The following FRMPD2 variants were observed in gnomAD, a reference collection of about 807,000 sequenced individuals.
FRMPD2 encodes the protein FERM and PDZ domain-containing protein 2.
A neutral mutation model predicts 140.1 loss-of-function variants in FRMPD2; 96 were observed. The ratio of observed to expected loss-of-function variants is 0.69; its 90% confidence interval spans 0.58 to 0.81. The LOEUF (loss-of-function observed/expected upper bound fraction) is 0.81. FRMPD2 is among the 40% of genes least tolerant of loss of function. The pLI, the probability that FRMPD2 is intolerant of heterozygous loss-of-function variation, is 0.00. For missense variants in FRMPD2, 1,240 were observed against 1,447.4 expected (o/e 0.86, Z 2.32); for synonymous variants, 449 against 547.6 (o/e 0.82, Z 2.52).
chr10:48,239,521 A>C, intron 7 of FRMPD2, 84 bp downstream of exon 7: 1 of 909,548 alleles, frequency 1.1e-6, no homozygotes. Flanking sequence ...TCTTACTAAT[A>C]ATCAGTAAAG....
At chr10:48,259,617 C>T (rs1409470664) in intron 1 of FRMPD2, among the ~76,000 whole-genome samples, 1 of 149,756 alleles carries the variant, frequency 6.7e-6, no homozygotes, top group Non-Finnish European at 1.5e-5. Context: ...ACCAGTAGTA[C>T]ATGAATGTGT....
At chr10:48,220,784 G>C (rs192148860) in intron 12 of FRMPD2, among the ~76,000 whole-genome samples, 141 of 152,214 alleles carry the variant, frequency 9.3e-4, no homozygotes, top group African/African-American at 3.1e-3. Flanking sequence ...CTAAGGACAT[G>C]AATAGACAAT....
rs1201143028 is a variant in FRMPD2 at position 48,179,994 on chromosome 10, C to T, written c.2790+809G>A. Among the ~76,000 whole-genome samples the T allele has an allele frequency of 5.9e-5, 9 of 152,286 alleles. No homozygotes were observed. The South Asian group carries it at 1.5e-3, about 25-fold the overall frequency. On this transcript the variant is annotated intron_variant, in intron 21 of 28. Coordinates refer to ENST00000374201, the MANE Select transcript of FRMPD2 (RefSeq NM_001018071.4). ...TGTGACCACCCCTGAGCCTGAAGGG[C>T]GAGAGAAGGGAGTGGTCGATGGACC...
intron 1 of FRMPD2, among the ~76,000 whole-genome samples, chr10:48,264,397 C>A (rs1840647167): frequency 6.6e-6 from 1 of 152,036 alleles, no homozygotes; most frequent in Non-Finnish European, 1.5e-5. Flanking sequence ...GAACAAAAAA[C>A]CTCCTAAAAC....
At chr10:48,246,190 G>A (rs1840244827) in intron 3 of FRMPD2, among the ~76,000 whole-genome samples, 1 of 152,140 alleles carries the variant, frequency 6.6e-6, no homozygotes, top group African/African-American at 2.4e-5. Context: ...CAATTGCAGT[G>A]ACTGCCACCC....
intron 16 of FRMPD2, among the ~76,000 whole-genome samples, chr10:48,191,773 TC>T (rs1213159676): frequency 6.6e-6 from 1 of 152,230 alleles, no homozygotes; most frequent in Admixed American, 6.5e-5. Context: ...GTAATCCAAG[TC>T]CTAGGCTATT....
intron 15 of FRMPD2, among the ~76,000 whole-genome samples, chr10:48,200,640 T>G (rs1238556012): frequency 6.6e-6 from 1 of 152,236 alleles, no homozygotes; most frequent in East Asian, 1.9e-4. Flanking sequence ...ACAATGCAGG[T>G]ATTTCCATCA....
intron 3 of FRMPD2, among the ~76,000 whole-genome samples, chr10:48,245,674 A>C (rs761821861): frequency 3.3e-5 from 5 of 152,210 alleles, no homozygotes; most frequent in Non-Finnish European, 7.3e-5. Flanking sequence ...TTTAGTCCTC[A>C]CTGCAATCCT....
At chr10:48,236,373 G>A (rs955613520) in intron 9 of FRMPD2, 109 bp downstream of exon 9, 36 of 855,138 alleles carry the variant, frequency 4.2e-5, no homozygotes, top group African/African-American at 3.8e-4. Context: ...GAAACTGAAT[G>A]CCACTGGGGT....
intron 15 of FRMPD2, among the ~76,000 whole-genome samples, chr10:48,197,571 G>T (rs2131855926): frequency 6.6e-6 from 1 of 152,342 alleles, no homozygotes; most frequent in African/African-American, 2.4e-5. Context: ...TTCAGATTCA[G>T]ATGGTCTGGA....
In FRMPD2 at chr10:48,192,175, C is replaced by T. The variant is rs1453534323; in HGVS notation, c.2165+509G>A. Among the ~76,000 whole-genome samples, 3 of 152,234 alleles carry T rather than the reference C, an allele frequency of 2.0e-5. No individual in the cohort carries two copies. In the East Asian group the frequency reaches 5.8e-4, roughly 29 times the overall value. On this transcript the variant is annotated intron_variant, in intron 16 of 28. Coordinates refer to ENST00000374201, the MANE Select transcript of FRMPD2 (RefSeq NM_001018071.4). Reference sequence around the variant, plus strand: ...ATAGAAGGAGGAATGAGAGGTTGGCCCTAGAGTGTTTAACATAGACTTAGC... The same window carrying T: ...ATAGAAGGAGGAATGAGAGGTTGGCTCTAGAGTGTTTAACATAGACTTAGC...
intron 15 of FRMPD2, among the ~76,000 whole-genome samples, chr10:48,195,812 C>T (rs781586902): frequency 1.3e-5 from 2 of 152,266 alleles, no homozygotes; most frequent in Non-Finnish European, 2.9e-5. Context: ...GTATTAACCA[C>T]TTCCCATTTG....
intron 16 of FRMPD2, among the ~76,000 whole-genome samples, chr10:48,188,520 G>A (rs1186688933): frequency 1.3e-5 from 2 of 152,220 alleles, no homozygotes; most frequent in African/African-American, 2.4e-5. Flanking sequence ...GGCACTGAGG[G>A]TAAAGGGTGG....
chr10:48,159,493 G>T, intron 28 of FRMPD2, among the ~76,000 whole-genome samples: 1 of 151,706 alleles, frequency 6.6e-6, no homozygotes, highest in East Asian at 1.9e-4. Context: ...CCAAGAGCAG[G>T]CATGACATCT....
chr10:48,223,019 T>A (rs1032665391), intron 11 of FRMPD2, 104 bp downstream of exon 11: 2 of 1,001,192 alleles, frequency 2.0e-6, no homozygotes, highest in Non-Finnish European at 3.0e-6. Flanking sequence ...GTTATTTGTA[T>A]GTAATTTACA....
Position 48,223,161 on chromosome 10 carries a change from C to T in FRMPD2, c.1278G>A (p.Leu426=), listed in dbSNP as rs1839646899. 6.2e-7 allele frequency: 1 copy of T among 1,614,082 alleles called. No homozygotes were observed. The highest frequency in any genetic ancestry group is 2.2e-5 in the East Asian group (1 of 44,890). The change falls in exon 11 of 29, where the codon CTG becomes CTA. Residue 426 remains leucine (L), a synonymous_variant. Transcript: ENST00000374201. ...KTSMNTFTLF[L]RIKFFVSHYG... is the part of the protein sequence containing the mutation. ...AGTGGCTGACAAAGAACTTTATCCT[C>T]AGGAAGAGTGTGAAGGTATTCATGG...
chr10:48,222,399 C>G lies in FRMPD2; in HGVS notation c.1369G>C (p.Glu457Gln), dbSNP rs1371939397. Residue 457 changes from glutamate (E) to glutamine (Q), a missense_variant, in exon 12 of 29, where the codon GAG (glutamate) becomes CAG (glutamine). By Grantham distance (29) the Glu-to-Gln change is conservative (BLOSUM62 2). Coordinates refer to ENST00000374201, the MANE Select transcript of FRMPD2 (RefSeq NM_001018071.4). ...TCTTCATTGCAGTACAGCCTCTCCT[C>G]CAGGATATCTTTCCGAAGCTGCAGG... The part of the protein sequence containing the change: ...FYLQLRKDIL[E>Q]ERLYCNEEIL... 6.2e-7 allele frequency: 1 copy of G among 1,614,022 alleles called. No homozygotes were observed. Among genetic ancestry groups the G allele is most frequent in the African/African-American group, 1.3e-5 (1 of 74,930 alleles).
At chr10:48,208,076 C>G (rs1394522833) in intron 13 of FRMPD2, among the ~76,000 whole-genome samples, 1 of 152,082 alleles carries the variant, frequency 6.6e-6, no homozygotes. Context: ...TCATCATCAT[C>G]AATATCCTTA....
intron 1 of FRMPD2, among the ~76,000 whole-genome samples, chr10:48,253,084 CAA>C (rs1023850772): frequency 2.0e-5 from 3 of 151,994 alleles, no homozygotes; most frequent in Non-Finnish European, 2.9e-5. Flanking sequence ...CTCTAAATCC[CAA>C]AATAAAATAT....
Sources: allele counts gnomAD v4.1 joint callset (sites outside exome capture counted in the v4.1 genomes callset), GRCh38; gene constraint gnomAD v4.1.1; transcripts MANE v1.5; gene names NCBI Gene and HGNC (gene_info 2026-07-23, HGNC 2026-07-21).